Variants in AFTPH observed in about 807,000 individuals in gnomAD.
The protein encoded by AFTPH is aftiphilin, also known as aftiphilin protein.
AFTPH carries 7 observed loss-of-function variants against 72.5 expected under a neutral mutation model. The observed-to-expected ratio is 0.10, with a 90% CI of 0.05 to 0.18. The LOEUF is 0.18. AFTPH is among the 10% of genes least tolerant of loss of function. AFTPH has a pLI of 1.00. For synonymous variants in AFTPH, 337 were observed against 370.1 expected (o/e 0.91, Z 1.03); for missense variants, 979 against 1,060.5 (o/e 0.92, Z 1.07).
At chr2:64,542,487 G>A (rs556390750) in intron 1 of AFTPH, among the ~76,000 whole-genome samples, 4 of 152,198 alleles carry the variant, frequency 2.6e-5, no homozygotes, top group Admixed American at 6.5e-5. Context: ...GAGAACTTCC[G>A]GGTTGCATTT....
chr2:64,580,513 G>C (rs1441815744), intron 7 of AFTPH: 1 of 152,356 alleles, frequency 6.6e-6, no homozygotes, highest in Non-Finnish European at 1.5e-5. Flanking sequence ...CTGAAGGAAA[G>C]CCTGGATGCA....
intron 1 of AFTPH, among the ~76,000 whole-genome samples, chr2:64,543,360 G>A (rs549704513): frequency 3.1e-4 from 47 of 152,300 alleles, no homozygotes; most frequent in African/African-American, 1.0e-3. Flanking sequence ...TTCTTTTGAT[G>A]AAGAGAAGTT....
At chr2:64,565,632 A>G (rs773879679) in intron 2 of AFTPH, among the ~76,000 whole-genome samples, 1 of 152,144 alleles carries the variant, frequency 6.6e-6, no homozygotes, top group Non-Finnish European at 1.5e-5. Flanking sequence ...GGACAAATCT[A>G]CTGCCTGTTT....
chr2:64,559,483 A>C (rs1186374744), intron 2 of AFTPH, among the ~76,000 whole-genome samples: 1 of 152,228 alleles, frequency 6.6e-6, no homozygotes, highest in Non-Finnish European at 1.5e-5. Context: ...AGCAGGCTTA[A>C]GATCTAAGAA....
chr2:64,564,098 C>CT (rs923767287), intron 2 of AFTPH, among the ~76,000 whole-genome samples: 2 of 151,928 alleles, frequency 1.3e-5, no homozygotes, highest in Admixed American at 6.6e-5. Context: ...AAACTAGGTA[C>CT]TTTTTTTTCC....
At chr2:64,569,769 T>G (rs185360939) in intron 5 of AFTPH, 90 bp downstream of exon 5, 5 of 1,204,852 alleles carry the variant, frequency 4.1e-6, no homozygotes, top group South Asian at 3.8e-5. Context: ...TCATGCTATA[T>G]AAGAGACATT....
At chr2:64,530,064 G>C (rs1181619696) in intron 1 of AFTPH, among the ~76,000 whole-genome samples, 3 of 152,096 alleles carry the variant, frequency 2.0e-5, no homozygotes, top group Admixed American at 6.6e-5. Flanking sequence ...ACTGAGACAG[G>C]AGAATCACTT....
intron 1 of AFTPH, among the ~76,000 whole-genome samples, chr2:64,536,810 G>A (rs1669916426): frequency 6.6e-6 from 1 of 151,584 alleles, no homozygotes. Context: ...AAAATTAGCT[G>A]GGCATGGTGG....
chr2:64,556,943 T>C (rs917619517), intron 2 of AFTPH, among the ~76,000 whole-genome samples: 2 of 152,220 alleles, frequency 1.3e-5, no homozygotes, highest in South Asian at 2.1e-4. Context: ...AGAAGGTAAG[T>C]AGTGGTATCT....
chr2:64,552,554 A>T (rs1211055784), exon 2 of AFTPH: 1 of 1,614,082 alleles, frequency 6.2e-7, no homozygotes, highest in Admixed American at 1.7e-5. Context: ...AACTTGACTT[A>T]CTTACTTCTA....
chr2:64,588,616 G>C (rs1174039959), intron 8 of AFTPH, among the ~76,000 whole-genome samples: 2 of 152,172 alleles, frequency 1.3e-5, no homozygotes, highest in Non-Finnish European at 2.9e-5. Flanking sequence ...CATCCCAGTG[G>C]GTTTGAAGTG....
chr2:64,591,618 A>G (rs1046573546), intron 8 of AFTPH, among the ~76,000 whole-genome samples: 1 of 152,180 alleles, frequency 6.6e-6, no homozygotes, highest in African/African-American at 2.4e-5. Flanking sequence ...TAGAAAGTAC[A>G]CGAGCTGTCT....
chr2:64,560,082 G>A (rs571272605), intron 2 of AFTPH, among the ~76,000 whole-genome samples: 79 of 152,174 alleles, frequency 5.2e-4, no homozygotes, highest in Middle Eastern at 3.4e-3. Context: ...ATCACAAGAG[G>A]GAACACCTTA....
chr2:64,569,020 T>C, intron 3 of AFTPH, 72 bp from the exon 4 acceptor site: 1 of 1,533,634 alleles, frequency 6.5e-7, no homozygotes, highest in Non-Finnish European at 9.0e-7. Flanking sequence ...GTCACAGCCA[T>C]ATTATAAGTA....
At chr2:64,532,704 G>C (rs747916263) in intron 1 of AFTPH, among the ~76,000 whole-genome samples, 7 of 152,156 alleles carry the variant, frequency 4.6e-5, no homozygotes, top group Non-Finnish European at 7.4e-5. Flanking sequence ...AAGTGGAGAG[G>C]TCTAAGCAGG....
intron 1 of AFTPH, 144 bp from the exon 2 acceptor site, chr2:64,551,299 C>G (rs1671031494): frequency 1.6e-6 from 1 of 612,856 alleles, no homozygotes; most frequent in Non-Finnish European, 2.7e-6. Flanking sequence ...TACAAAACAT[C>G]ATGCAGGACA....
intron 2 of AFTPH, among the ~76,000 whole-genome samples, chr2:64,566,942 AATG>A (rs987082922): frequency 2.0e-5 from 3 of 152,212 alleles, no homozygotes; most frequent in African/African-American, 7.2e-5. Flanking sequence ...ATATCACCAA[AATG>A]ATGAATGAGC....
intron 2 of AFTPH, among the ~76,000 whole-genome samples, chr2:64,554,720 C>T (rs1275052806): frequency 2.0e-5 from 3 of 152,152 alleles, no homozygotes; most frequent in African/African-American, 7.2e-5. Context: ...TTGAGCAGTT[C>T]ATTATTTAGG....
At chr2:64,557,598 G>T (rs1471457634) in intron 2 of AFTPH, among the ~76,000 whole-genome samples, 3 of 152,112 alleles carry the variant, frequency 2.0e-5, no homozygotes, top group Non-Finnish European at 4.4e-5. Context: ...TCGTGCCTCA[G>T]CCTCCCAAGT....
Sources: allele counts gnomAD v4.1 joint callset (sites outside exome capture counted in the v4.1 genomes callset), GRCh38; gene constraint gnomAD v4.1.1; transcripts MANE v1.5; gene names NCBI Gene and HGNC (gene_info 2026-07-23, HGNC 2026-07-21).